Variants in MTUS2 observed in about 807,000 individuals in gnomAD.
MTUS2 encodes the protein microtubule associated scaffold protein 2, also known as microtubule-associated tumor suppressor candidate 2.
A neutral mutation model predicts 114.1 loss-of-function variants in MTUS2; 40 were observed. That is an observed-to-expected ratio of 0.35 (90% confidence interval 0.27 to 0.46). The LOEUF is 0.46. MTUS2 is among the 20% of genes least tolerant of loss of function. The probability of loss-of-function intolerance (pLI) is 1.00; values close to 1 mark genes in which losing one functional copy is unlikely to be tolerated. For missense variants in MTUS2, 1,679 were observed against 1,705.4 expected (o/e 0.98, Z 0.27); for synonymous variants, 688 against 672.0 (o/e 1.02, Z -0.37).
intron 9 of MTUS2, among the ~76,000 whole-genome samples, chr13:29,441,720 C>T (rs74042073): frequency 0.021 from 3,154 of 152,222 alleles, 106 homozygotes; most frequent in African/African-American, 0.072. Flanking sequence ...ACCCTTCACC[C>T]GTGGAGCCAT....
intron 2 of MTUS2, among the ~76,000 whole-genome samples, chr13:28,888,021 G>T (rs535152128): frequency 6.6e-6 from 1 of 152,086 alleles, no homozygotes; most frequent in East Asian, 1.9e-4. Context: ...CCATCCAGTC[G>T]CATAGCTCTA....
intron 4 of MTUS2, among the ~76,000 whole-genome samples, chr13:29,077,956 A>C (rs1412259114): frequency 6.6e-6 from 1 of 152,234 alleles, no homozygotes; most frequent in Non-Finnish European, 1.5e-5. Context: ...TAATTCTTCA[A>C]GTTTCATCAA....
chr13:28,875,356 A>G (rs1468926164), intron 2 of MTUS2, among the ~76,000 whole-genome samples: 1 of 152,258 alleles, frequency 6.6e-6, no homozygotes, highest in East Asian at 1.9e-4. Context: ...GTGTTAAATG[A>G]ATGAATAAAT....
chr13:29,118,216 A>C (rs368309617), intron 5 of MTUS2, among the ~76,000 whole-genome samples: 1 of 151,870 alleles, frequency 6.6e-6, no homozygotes, highest in African/African-American at 2.4e-5. Flanking sequence ...CTTGTTTACC[A>C]TCACGGAAGC....
At chr13:29,129,407 GCAAAA>G (rs1278231613) in intron 5 of MTUS2, among the ~76,000 whole-genome samples, 2 of 152,056 alleles carry the variant, frequency 1.3e-5, no homozygotes, top group Non-Finnish European at 2.9e-5. Context: ...GATTCCCTGT[GCAAAA>G]GACTGGAGGG....
rs564115053 is a variant in MTUS2 at position 29,483,426 on chromosome 13, C to T, written c.3399+3062C>T. 1.4e-4 allele frequency among the ~76,000 whole-genome samples: 22 copies of T among 152,362 alleles called. No individual in the cohort carries two copies. In the East Asian group the frequency reaches 3.5e-3, roughly 24 times the overall value. ...AGGGCATGGGCTGGCTCTCTGCCCA[C>T]GGCATGTGCTCCGGCTACACAGGTG... On this transcript the variant is annotated intron_variant, in intron 10 of 15. Transcript: ENST00000612955.
intron 6 of MTUS2, among the ~76,000 whole-genome samples, chr13:29,321,956 A>T (rs1233679607): frequency 6.6e-6 from 1 of 152,186 alleles, no homozygotes; most frequent in Non-Finnish European, 1.5e-5. Flanking sequence ...GAGCTATGAC[A>T]TCCTTTTTAA....
At chr13:29,246,415 G>T (rs1896928524) in intron 5 of MTUS2, among the ~76,000 whole-genome samples, 1 of 152,220 alleles carries the variant, frequency 6.6e-6, no homozygotes. Flanking sequence ...CGGATCTCCT[G>T]TTGCTGCTCA....
intron 8 of MTUS2, among the ~76,000 whole-genome samples, chr13:29,439,003 G>A (rs1455033070): frequency 1.3e-5 from 2 of 152,106 alleles, no homozygotes; most frequent in Non-Finnish European, 2.9e-5. Flanking sequence ...CAAAGGCAAC[G>A]GTGGTTAAGG....
intron 5 of MTUS2, among the ~76,000 whole-genome samples, chr13:29,270,396 A>G (rs1166310692): frequency 6.6e-6 from 1 of 152,146 alleles, no homozygotes; most frequent in Non-Finnish European, 1.5e-5. Context: ...GCCTGTCACA[A>G]AACATGAGCA....
At chr13:28,964,821 T>C (rs1883506673) in intron 2 of MTUS2, among the ~76,000 whole-genome samples, 1 of 150,874 alleles carries the variant, frequency 6.6e-6, no homozygotes, top group South Asian at 2.1e-4. Flanking sequence ...TGGTGATGGC[T>C]GGCCTTTCTC....
At chr13:28,831,595 CA>C (rs1167913006) in intron 1 of MTUS2, among the ~76,000 whole-genome samples, 2 of 152,048 alleles carry the variant, frequency 1.3e-5, no homozygotes, top group Non-Finnish European at 2.9e-5. Context: ...CTCAGGAAGT[CA>C]AATATGAGCA....
chr13:29,003,444 A>G (rs367621257), intron 2 of MTUS2, among the ~76,000 whole-genome samples: 44 of 152,248 alleles, frequency 2.9e-4, no homozygotes, highest in African/African-American at 9.1e-4. Context: ...CCTCTCCTAT[A>G]TGCTTCTTCC....
intron 8 of MTUS2, among the ~76,000 whole-genome samples, chr13:29,399,286 C>T (rs1254042187): frequency 6.6e-6 from 1 of 152,196 alleles, no homozygotes; most frequent in Admixed American, 6.5e-5. Context: ...TGACCAGGTT[C>T]TTTACTGCAA....
At chr13:29,417,028 C>T (rs1313145491) in intron 8 of MTUS2, among the ~76,000 whole-genome samples, 1 of 152,120 alleles carries the variant, frequency 6.6e-6, no homozygotes, top group Non-Finnish European at 1.5e-5. Flanking sequence ...TAAAGGAATA[C>T]CTGAGGCTGG....
intron 5 of MTUS2, among the ~76,000 whole-genome samples, chr13:29,250,823 C>T (rs1242617101): frequency 1.3e-5 from 2 of 152,036 alleles, no homozygotes; most frequent in Non-Finnish European, 2.9e-5. Context: ...GTTTTTATTA[C>T]CCGTAAATTT....
At chr13:29,109,980 T>C (rs972133426) in intron 5 of MTUS2, among the ~76,000 whole-genome samples, 6 of 152,218 alleles carry the variant, frequency 3.9e-5, no homozygotes, top group African/African-American at 1.4e-4. Context: ...AAAGTGGAGG[T>C]TGATCATTTG....
At chr13:29,347,538 A>AAC (rs1396976288) in intron 7 of MTUS2, among the ~76,000 whole-genome samples, 1 of 151,688 alleles carries the variant, frequency 6.6e-6, no homozygotes, top group African/African-American at 2.4e-5. Context: ...ATTAAAAAAA[A>AAC]AACCCTATTC....
At chr13:28,847,425 CA>C (rs770564840) in intron 2 of MTUS2, among the ~76,000 whole-genome samples, 2 of 151,902 alleles carry the variant, frequency 1.3e-5, no homozygotes, top group Non-Finnish European at 2.9e-5. Flanking sequence ...AGTCCAAAGG[CA>C]AAGGCAAGAG....
Sources: allele counts gnomAD v4.1 joint callset (sites outside exome capture counted in the v4.1 genomes callset), GRCh38; gene constraint gnomAD v4.1.1; transcripts MANE v1.5; gene names NCBI Gene and HGNC (gene_info 2026-07-23, HGNC 2026-07-21).